Variants in SPOCK3 observed in about 807,000 individuals in gnomAD.
SPOCK3 encodes SPARC (osteonectin), cwcv and kazal like domains proteoglycan 3, also known as testican-3.
A neutral mutation model predicts 56.6 loss-of-function variants in SPOCK3; 30 were observed. That is an observed-to-expected ratio of 0.53 (90% CI 0.40 to 0.72). The LOEUF (loss-of-function observed/expected upper bound fraction) is 0.72. Ranked by LOEUF, SPOCK3 falls within the 30% of genes least tolerant of loss-of-function variation. The probability of loss-of-function intolerance (pLI) is 0.00; values close to 1 mark genes in which losing one functional copy is unlikely to be tolerated. For missense variants in SPOCK3, 527 were observed against 530.0 expected, an observed-to-expected ratio of 0.99 and a Z score of 0.06; for synonymous variants, 196 against 183.3, an observed-to-expected ratio of 1.07 and a Z score of -0.56.
chr4:166,917,046 T>C (rs144266548), intron 4 of SPOCK3, among the ~76,000 whole-genome samples: 12 of 152,188 alleles, frequency 7.9e-5, no homozygotes, highest in African/African-American at 2.6e-4. Context: ...ATGAAAGACA[T>C]GGAGGGAGCC....
At chr4:166,858,109 G>A (rs1041695548) in intron 6 of SPOCK3, among the ~76,000 whole-genome samples, 10 of 152,084 alleles carry the variant, frequency 6.6e-5, no homozygotes, top group African/African-American at 2.2e-4. Flanking sequence ...GGGTATGAGC[G>A]ATACTTGATA....
intron 4 of SPOCK3, among the ~76,000 whole-genome samples, chr4:166,931,075 A>G (rs889545648): frequency 5.9e-5 from 9 of 152,104 alleles, no homozygotes; most frequent in African/African-American, 2.2e-4. Flanking sequence ...TCCACTTACC[A>G]GGTTCAAGCA....
intron 7 of SPOCK3, among the ~76,000 whole-genome samples, chr4:166,766,917 G>T (rs1232331810): frequency 2.0e-5 from 3 of 152,098 alleles, no homozygotes; most frequent in Admixed American, 2.0e-4. Context: ...TTAGTCTTGG[G>T]AGAGTGTATT....
At chr4:167,029,110 C>T (rs547724695) in intron 3 of SPOCK3, among the ~76,000 whole-genome samples, 4 of 152,042 alleles carry the variant, frequency 2.6e-5, no homozygotes, top group South Asian at 2.1e-4. Context: ...TGTTGTTAAC[C>T]GCCATGAGTC....
chr4:167,117,069 G>T (rs1761490123), intron 2 of SPOCK3, among the ~76,000 whole-genome samples: 1 of 151,308 alleles, frequency 6.6e-6, no homozygotes, highest in African/African-American at 2.4e-5. Flanking sequence ...GTAAATGCAA[G>T]AGAAAAACTG....
intron 8 of SPOCK3, among the ~76,000 whole-genome samples, chr4:166,752,659 T>G (rs1736573342): frequency 6.6e-6 from 1 of 151,784 alleles, no homozygotes; most frequent in East Asian, 1.9e-4. Context: ...AAAATATTCT[T>G]TTATAAGCTG....
At chr4:166,998,298 A>G (rs1308759052) in intron 4 of SPOCK3, among the ~76,000 whole-genome samples, 1 of 152,014 alleles carries the variant, frequency 6.6e-6, no homozygotes, top group East Asian at 1.9e-4. Context: ...TCCCCTCTGA[A>G]CCCTCTCCAC....
chr4:167,038,389 T>A (rs893050833), intron 3 of SPOCK3, among the ~76,000 whole-genome samples: 1 of 152,294 alleles, frequency 6.6e-6, no homozygotes, highest in East Asian at 1.9e-4. Context: ...CATTCCTACA[T>A]TTTGTGTTCT....
At chr4:166,956,160 G>T (rs1743436938) in intron 4 of SPOCK3, among the ~76,000 whole-genome samples, 1 of 151,804 alleles carries the variant, frequency 6.6e-6, no homozygotes, top group African/African-American at 2.4e-5. Flanking sequence ...TATTTTGAGG[G>T]TTATGTGCCA....
intron 6 of SPOCK3, among the ~76,000 whole-genome samples, chr4:166,813,929 T>A (rs1003846264): frequency 6.6e-6 from 1 of 152,068 alleles, no homozygotes; most frequent in Non-Finnish European, 1.5e-5. Flanking sequence ...TCAGAGCAAC[T>A]TGAATTCTGC....
At chr4:167,010,341 A>T (rs1350377090) in intron 3 of SPOCK3, among the ~76,000 whole-genome samples, 1 of 151,804 alleles carries the variant, frequency 6.6e-6, no homozygotes, top group African/African-American at 2.4e-5. Flanking sequence ...GGCAATATGG[A>T]AAAACCCATC....
At chr4:167,225,676 A>G (rs1736522321) in intron 2 of SPOCK3, among the ~76,000 whole-genome samples, 1 of 152,108 alleles carries the variant, frequency 6.6e-6, no homozygotes, top group South Asian at 2.1e-4. Context: ...GGATCTCTCC[A>G]AAAAACAAAA....
chr4:167,159,956 A>G (rs1765144231), intron 2 of SPOCK3, among the ~76,000 whole-genome samples: 1 of 152,120 alleles, frequency 6.6e-6, no homozygotes, highest in South Asian at 2.1e-4. Context: ...CAAAAACTGG[A>G]AGCATTCCCT....
intron 5 of SPOCK3, among the ~76,000 whole-genome samples, chr4:166,896,309 G>A (rs563326085): frequency 6.6e-6 from 1 of 152,228 alleles, no homozygotes; most frequent in East Asian, 1.9e-4. Context: ...GCTTCAGTGT[G>A]TTTGTGCCCT....
intron 7 of SPOCK3, among the ~76,000 whole-genome samples, chr4:166,772,330 CA>C (rs1426928597): frequency 6.6e-6 from 1 of 152,056 alleles, no homozygotes; most frequent in Non-Finnish European, 1.5e-5. Context: ...ATTCCATATT[CA>C]TTTTTTCTAT....
chr4:166,853,934 A>G (rs1281871229), intron 6 of SPOCK3, among the ~76,000 whole-genome samples: 1 of 152,172 alleles, frequency 6.6e-6, no homozygotes, highest in Non-Finnish European at 1.5e-5. Context: ...GACAGAATCA[A>G]TAACAAAATT....
chr4:166,865,454 T>G (rs553912259), intron 6 of SPOCK3, among the ~76,000 whole-genome samples: 1 of 152,034 alleles, frequency 6.6e-6, no homozygotes, highest in Non-Finnish European at 1.5e-5. Context: ...GAGAAAGAAA[T>G]AAAGTTTTTC....
chr4:167,007,627 T>C (rs980858229), intron 3 of SPOCK3, among the ~76,000 whole-genome samples: 4 of 152,166 alleles, frequency 2.6e-5, no homozygotes, highest in African/African-American at 7.2e-5. Context: ...AACAAGGTCA[T>C]TGCCCTGTAG....
chr4:166,907,478 A>G lies in SPOCK3; in HGVS notation c.474+5142T>C, dbSNP rs115032530. On this transcript the variant is annotated intron_variant, in intron 5 of 10. Transcript: ENST00000357545. The stretch of plus-strand genomic sequence containing the variant: ...TTCCTACCTGTGAAGCTTCTTTGCA[A>G]GTGTCTTTTAGTTGTTTGCTTCACT... 2.9e-3 allele frequency among the ~76,000 whole-genome samples: 434 copies of G among 152,250 alleles called. 1 individual carries two copies. The highest frequency in any genetic ancestry group is 0.01 in the African/African-American group (416 of 41,588).
Sources: allele counts gnomAD v4.1 joint callset (sites outside exome capture counted in the v4.1 genomes callset), GRCh38; gene constraint gnomAD v4.1.1; transcripts MANE v1.5; gene names NCBI Gene and HGNC (gene_info 2026-07-23, HGNC 2026-07-21).